Variants in RARS1 observed in about 807,000 individuals in gnomAD.
The protein encoded by RARS1 is arginine--tRNA ligase, cytoplasmic.
Under a neutral mutation model 78.7 loss-of-function variants are expected in RARS1, and 75 were observed. The ratio of observed to expected loss-of-function variants is 0.95; its 90% confidence interval spans 0.79 to 1.15. The LOEUF (loss-of-function observed/expected upper bound fraction) is 1.15. RARS1 is among the 50% of genes most tolerant of loss of function. RARS1 has a pLI of 0.00. For synonymous variants in RARS1, 273 were observed against 268.2 expected, an observed-to-expected ratio of 1.02 and a Z score of -0.18; for missense variants, 787 against 787.5, an observed-to-expected ratio of 1.00 and a Z score of 0.01.
At chr5:168,501,979 G>A (rs1248044711) in intron 8 of RARS1, 22 bp from the exon 9 acceptor site, 1 of 1,574,432 alleles carries the variant, frequency 6.4e-7, no homozygotes, top group Non-Finnish European at 8.6e-7. Context: ...TTTATTTGGT[G>A]GCATTTTATT....
At chr5:168,490,419 C>T (rs1758059230) in intron 2 of RARS1, among the ~76,000 whole-genome samples, 1 of 152,198 alleles carries the variant, frequency 6.6e-6, no homozygotes, top group Non-Finnish European at 1.5e-5. Context: ...CCTCCCACCT[C>T]AGCCTCCCAA....
intron 9 of RARS1, 26 bp from the exon 10 acceptor site, chr5:168,505,994 AT>A: frequency 6.4e-7 from 1 of 1,568,182 alleles, no homozygotes; most frequent in Non-Finnish European, 8.6e-7. Context: ...TTTTAACTTT[AT>A]TAATGAAGTG....
At chr5:168,502,256 A>G in intron 9 of RARS1, 151 bp downstream of exon 9, 1 of 1,146,374 alleles carries the variant, frequency 8.7e-7, no homozygotes, top group Non-Finnish European at 1.1e-6. Context: ...ATACCTTCTT[A>G]CACTGCTTCC....
rs1440891846 is a variant in RARS1, at chr5:168,500,666, A to G, written c.898A>G (p.Lys300Glu). 1.9e-6 allele frequency: 3 copies of G among 1,610,712 alleles called. No individual in the cohort carries two copies. The highest frequency in any genetic ancestry group is 1.3e-5 in the African/African-American group (1 of 74,690). ...AYQCVVLLQG[K>E]NPDITKAWKL... ...TCAGTGTGTAGTTCTGCTCCAGGGT[A>G]AAAACCCAGATATTACAAAAGCTTG... The change falls in exon 8 of 15, where the codon AAA (lysine) becomes GAA (glutamate). Residue 300 changes from lysine (K) to glutamate (E), a missense_variant. Transcript: ENST00000231572.
At chr5:168,496,224 C>A (rs1758181771) in intron 6 of RARS1, among the ~76,000 whole-genome samples, 1 of 151,516 alleles carries the variant, frequency 6.6e-6, no homozygotes, top group South Asian at 2.1e-4. Flanking sequence ...ACTAAAAATA[C>A]AAAAATTAGC....
At chr5:168,513,193 C>G (rs1195048908) in intron 12 of RARS1, among the ~76,000 whole-genome samples, 3 of 140,094 alleles carry the variant, frequency 2.1e-5, no homozygotes, top group African/African-American at 8.0e-5. Flanking sequence ...CTACAGGCAC[C>G]CACCATCACG....
intron 4 of RARS1, 60 bp downstream of exon 4, chr5:168,494,062 A>G: frequency 1.4e-6 from 2 of 1,441,696 alleles, no homozygotes; most frequent in Non-Finnish European, 1.9e-6. Flanking sequence ...TTTTGAAGTT[A>G]AAAAAGAACA....
intron 2 of RARS1, 33 bp from the exon 3 acceptor site, chr5:168,492,626 C>T (rs1340010659): frequency 1.3e-6 from 2 of 1,500,926 alleles, no homozygotes; most frequent in Admixed American, 3.4e-5. Flanking sequence ...GTTTTACGTA[C>T]ATTATTGACA....
chr5:168,518,401 A>C (rs60295313), intron 14 of RARS1, among the ~76,000 whole-genome samples: 2 of 152,238 alleles, frequency 1.3e-5, no homozygotes, highest in African/African-American at 4.8e-5. Context: ...TATAAAAGAC[A>C]AAATGTGAAG....
At position 168,486,648 on chromosome 5, in the gene RARS1, G is replaced by C. The variant is rs547081227; in HGVS notation, c.45+105G>C. The C allele has an allele frequency of 4.3e-4, 538 of 1,244,810 alleles. 2 individuals carry two copies. The African/African-American group carries it at 6.8e-3, about 16-fold the overall frequency. The allele number at this position is 1,244,810 out of a possible 1,614,324, so 77.1% of individuals were successfully genotyped here. On this transcript the variant is annotated intron_variant, in intron 1 of 14. Transcript: ENST00000231572. The stretch of plus-strand genomic sequence containing the variant: ...GGGACAGCTAGGCGAGGACCATCCT[G>C]GTCCTCTCAGAGTGGAGCGGCACGG...
chr5:168,497,374 T>C (rs1416716857), intron 7 of RARS1, 26 bp downstream of exon 7: 1 of 1,492,814 alleles, frequency 6.7e-7, no homozygotes, highest in South Asian at 1.4e-5. Flanking sequence ...TTTTATATTA[T>C]GTGTGTGTTT....
chr5:168,492,867 C>T lies in RARS1; in HGVS notation c.369+20C>T, dbSNP rs1243575469. On this transcript the variant is annotated intron_variant, in intron 3 of 14. Transcript: ENST00000231572. ...TCTCAGGTGATGTATTGTCATGACTCTTGGCTGTTTGATTTTTTTAAGTAT... is the reference window on the plus strand; with the variant it reads ...TCTCAGGTGATGTATTGTCATGACTTTTGGCTGTTTGATTTTTTTAAGTAT... 3 of 1,534,442 alleles carry T rather than the reference C, an allele frequency of 2.0e-6. No homozygotes were observed. Among genetic ancestry groups the T allele is most frequent in the Non-Finnish European group, 1.8e-6 (2 of 1,120,472 alleles).
Position 168,506,770 on chromosome 5 carries a change from T to C in RARS1, c.1285T>C (p.Tyr429His), listed in dbSNP as rs938468178. The part of the protein sequence containing the change: ...IFAAAQMIGW[Y>H]DPKVTRVFHA... ...TGCTGCTGCTCAAATGATTGGTTGG[T>C]ATGACCCTAAAGTAACTCGAGTCTT... Residue 429 changes from tyrosine to histidine, a missense_variant, in exon 11 of 15, where the codon TAT (tyrosine) becomes CAT (histidine). Transcript: ENST00000231572. 6.8e-6 allele frequency: 11 copies of C among 1,613,914 alleles called. No individual in the cohort carries two copies. Among genetic ancestry groups the C allele is most frequent in the African/African-American group, 4.0e-5 (3 of 74,928 alleles).
intron 5 of RARS1, 56 bp downstream of exon 5, chr5:168,494,706 G>C: frequency 8.1e-7 from 1 of 1,239,544 alleles, no homozygotes; most frequent in South Asian, 1.2e-5. Flanking sequence ...GTGGAACCAA[G>C]CATGGTGGTA....
intron 5 of RARS1, 123 bp from the exon 6 acceptor site, chr5:168,495,192 T>G: frequency 1.4e-6 from 2 of 1,417,508 alleles, no homozygotes; most frequent in Non-Finnish European, 1.9e-6. Flanking sequence ...AAGTCTGAGT[T>G]TGTTATTAAA....
At chr5:168,507,333 A>G (rs1382605555) in intron 11 of RARS1, among the ~76,000 whole-genome samples, 2 of 152,256 alleles carry the variant, frequency 1.3e-5, no homozygotes, top group African/African-American at 2.4e-5. Flanking sequence ...CAGCTTTTCT[A>G]TTTTCTAATT....
intron 11 of RARS1, among the ~76,000 whole-genome samples, chr5:168,509,572 G>T (rs1187412365): frequency 6.6e-6 from 1 of 151,550 alleles, no homozygotes; most frequent in African/African-American, 2.4e-5. Context: ...ATGCTTATTA[G>T]TGCTTTTGCC....
rs150057995 is a variant in RARS1 at position 168,487,327 on chromosome 5, C to A, written c.45+784C>A. ...CTTGCAGTGAGCAGAGAGCACACCACTGCACCACAGCCTGGGCGACAGAGT... is the reference window on the plus strand; with the variant it reads ...CTTGCAGTGAGCAGAGAGCACACCAATGCACCACAGCCTGGGCGACAGAGT... On this transcript the variant is annotated intron_variant, in intron 1 of 14. Transcript: ENST00000231572. 3.2e-3 allele frequency among the ~76,000 whole-genome samples: 481 copies of A among 151,978 alleles called. 1 individual carries two copies. Among genetic ancestry groups the A allele is most frequent in the Middle Eastern group, 0.01 (3 of 294 alleles).
chr5:168,488,552 A>C, intron 1 of RARS1, 50 bp from the exon 2 acceptor site: 1 of 1,558,220 alleles, frequency 6.4e-7, no homozygotes, highest in Non-Finnish European at 8.7e-7. Flanking sequence ...TAGAGAGGGG[A>C]AATGTGGAAG....
Sources: allele counts gnomAD v4.1 joint callset (sites outside exome capture counted in the v4.1 genomes callset), GRCh38; gene constraint gnomAD v4.1.1; transcripts MANE v1.5; gene names NCBI Gene and HGNC (gene_info 2026-07-23, HGNC 2026-07-21).